CBFA2T3: variants seen among roughly 807,000 people sequenced by gnomAD.
The protein encoded by CBFA2T3 is transcriptional corepressor CBFA2T3.
CBFA2T3 carries 31 observed loss-of-function variants against 58.6 expected under a neutral mutation model. The ratio of observed to expected loss-of-function variants is 0.53; its 90% CI spans 0.40 to 0.71. CBFA2T3 has a LOEUF of 0.71. Ranked by LOEUF, CBFA2T3 falls within the 30% of genes least tolerant of loss-of-function variation. The pLI is 0.00. For synonymous variants in CBFA2T3, 531 were observed against 421.9 expected (o/e 1.26, Z -3.17); for missense variants, 1,076 against 963.1 (o/e 1.12, Z -1.55).
chr16:88,877,291 G>A lies in CBFA2T3; in HGVS notation c.1663-16C>T. ...TCCAGCAGCTCTGGGTGGGGGCAGA[G>A]GGGCCAGTCAGGGCTGGGTCTGGCC... On this transcript the variant is annotated splice_polypyrimidine_tract_variant and intron_variant, in intron 11 of 11. Transcript: ENST00000268679. The A allele has an allele frequency of 6.5e-7, 1 of 1,536,944 alleles. No homozygotes were observed. Among genetic ancestry groups the A allele is most frequent in the South Asian group, 1.2e-5 (1 of 83,180 alleles).
rs556438143 is a variant in CBFA2T3 at position 88,877,855 on chromosome 16, A to G, written c.1663-580T>C. ...AGGAGATGCCACACAAAGCCTGAGC[A>G]TATTTCTTCTTGGGGCCTGGCTGGA... On this transcript the variant is annotated intron_variant, in intron 11 of 11. Transcript: ENST00000268679. Among the ~76,000 whole-genome samples, 6 of 152,332 alleles carry G rather than the reference A, an allele frequency of 3.9e-5. No individual in the cohort carries two copies. The East Asian group carries it at 1.2e-3, about 29-fold the overall frequency.
Position 88,882,589 on chromosome 16 carries a change from T to TGG in CBFA2T3, c.1203+86_1203+87insCC, listed in dbSNP as rs142219665. 41 of 424,850 alleles carry TGG rather than the reference T, an allele frequency of 9.7e-5. No individual in the cohort carries two copies. In the East Asian group the frequency reaches 2.9e-3, roughly 30 times the overall value. 26.3% of individuals were successfully genotyped at this position (424,850 alleles called of 1,614,324 possible). On this transcript the variant is annotated intron_variant, in intron 8 of 11. Transcript: ENST00000268679. The stretch of plus-strand genomic sequence containing the variant: ...GCATGGCTGTGGGCGTGGCTGTGTG[T>TGG]GCATGGCTGTGTGTGCGTGGCTGTG...
At chr16:88,963,896 T>A (rs1239046206) in intron 1 of CBFA2T3, among the ~76,000 whole-genome samples, 1 of 152,158 alleles carries the variant, frequency 6.6e-6, no homozygotes, top group African/African-American at 2.4e-5. Flanking sequence ...GGGTTCCTCA[T>A]CCCTCTGAGC....
chr16:88,943,360 C>A (rs973404631), intron 1 of CBFA2T3, among the ~76,000 whole-genome samples: 1 of 152,202 alleles, frequency 6.6e-6, no homozygotes, highest in East Asian at 1.9e-4. Context: ...GTTAAGTGAC[C>A]AGTTGCAACA....
chr16:88,890,109 C>G (rs911954850), intron 5 of CBFA2T3, among the ~76,000 whole-genome samples: 2 of 151,938 alleles, frequency 1.3e-5, no homozygotes, highest in African/African-American at 4.8e-5. Context: ...CGTTTCAAAT[C>G]CCTGGACGAT....
At position 88,931,526 on chromosome 16, in the gene CBFA2T3, C is replaced by T. The variant is rs371703108; in HGVS notation, c.152-29870G>A. On this transcript the variant is annotated intron_variant, in intron 1 of 11. Transcript: ENST00000268679. ...GGACGAGCCAGAGGTGGAGAAGGGC[C>T]GTGGGCCGGCCCCGTGGACGAGCCA... is the stretch of plus-strand genomic sequence containing the variant. Among the ~76,000 whole-genome samples the T allele has an allele frequency of 2.4e-4, 36 of 152,160 alleles. 2 individuals carry two copies. In the South Asian group the frequency reaches 4.8e-3, roughly 20 times the overall value.
chr16:88,876,749 A>C lies in CBFA2T3; in HGVS notation c.*227T>G, dbSNP rs1031953584. 3 of 468,062 alleles carry C rather than the reference A, an allele frequency of 6.4e-6. No individual in the cohort carries two copies. The highest frequency in any genetic ancestry group is 6.1e-5 in the African/African-American group (3 of 48,884). 29.0% of individuals were successfully genotyped at this position (468,062 alleles called of 1,614,324 possible). A position where few individuals can be genotyped will look rare whatever the true frequency, so the allele number is the denominator to read the frequency against. On this transcript the variant is annotated 3_prime_UTR_variant, in exon 12 of 12. Coordinates refer to ENST00000268679, the MANE Select transcript of CBFA2T3 (RefSeq NM_005187.6). The stretch of plus-strand genomic sequence containing the variant: ...ACGTTGTCAGGAGGTCTCCGCGCGG[A>C]ATCATTAGGTAGCTGAGGCAGGTGC...
intron 1 of CBFA2T3, among the ~76,000 whole-genome samples, chr16:88,930,869 G>A (rs1000173061): frequency 6.6e-6 from 1 of 150,918 alleles, no homozygotes; most frequent in Non-Finnish European, 1.5e-5. Flanking sequence ...GGAGGAGTGA[G>A]TGGCAGTGGG....
intron 3 of CBFA2T3, among the ~76,000 whole-genome samples, chr16:88,896,789 C>T (rs142825267): frequency 6.6e-6 from 1 of 152,198 alleles, no homozygotes; most frequent in African/African-American, 2.4e-5. Flanking sequence ...GCCCACCGCC[C>T]CGGCCAGCCT....
chr16:88,954,890 C>CCCACCCAAGG (rs1972178950), intron 1 of CBFA2T3, among the ~76,000 whole-genome samples: 1 of 28,918 alleles, frequency 3.5e-5, no homozygotes, highest in Non-Finnish European at 6.9e-5. Context: ...GGCTCCTGAC[C>CCCACCCAAGG]CTACCCAAGG....
chr16:88,912,001 G>C (rs764005241), intron 1 of CBFA2T3, among the ~76,000 whole-genome samples: 1 of 152,246 alleles, frequency 6.6e-6, no homozygotes, highest in African/African-American at 2.4e-5. Flanking sequence ...GCCTTCAGCC[G>C]GCCTGGGTGC....
chr16:88,888,949 G>A (rs1969512305), intron 5 of CBFA2T3, among the ~76,000 whole-genome samples: 1 of 151,814 alleles, frequency 6.6e-6, no homozygotes. Flanking sequence ...GCGTGGCCGG[G>A]GGACACCAGG....
chr16:88,923,364 C>T (rs1037598724), intron 1 of CBFA2T3, among the ~76,000 whole-genome samples: 1 of 152,236 alleles, frequency 6.6e-6, no homozygotes, highest in African/African-American at 2.4e-5. Context: ...GGCCACCAGG[C>T]TGAGCTGCTA....
In CBFA2T3 at chr16:88,954,093, G is replaced by A. The variant is rs551167014; in HGVS notation, c.151+22564C>T. On this transcript the variant is annotated intron_variant, in intron 1 of 11. Coordinates refer to ENST00000268679, the MANE Select transcript of CBFA2T3 (RefSeq NM_005187.6). ...CTGCCAGTCAGAGAACTGCCCAGGAGCTCCCACTCCTCCTCTGAAGACCCC... is the reference window on the plus strand; with the variant it reads ...CTGCCAGTCAGAGAACTGCCCAGGAACTCCCACTCCTCCTCTGAAGACCCC... Among the ~76,000 whole-genome samples the A allele has an allele frequency of 3.0e-4, 45 of 152,214 alleles. No homozygotes were observed. The South Asian group carries it at 8.9e-3, about 30-fold the overall frequency.
intron 9 of CBFA2T3, 148 bp downstream of exon 9, chr16:88,881,143 G>A (rs1204925363): frequency 2.5e-6 from 2 of 800,948 alleles, no homozygotes; most frequent in East Asian, 5.3e-5. Context: ...ACCAGCCCGT[G>A]TTTTCCTACA....
chr16:88,974,904 T>C (rs949497836), intron 1 of CBFA2T3, among the ~76,000 whole-genome samples: 2 of 152,130 alleles, frequency 1.3e-5, no homozygotes, highest in Non-Finnish European at 2.9e-5. Flanking sequence ...CAAGTGCTGG[T>C]ATTCACATGT....
At chr16:88,956,121 T>C (rs1008862831) in intron 1 of CBFA2T3, among the ~76,000 whole-genome samples, 1 of 152,226 alleles carries the variant, frequency 6.6e-6, no homozygotes, top group African/African-American at 2.4e-5. Flanking sequence ...ACTCAAAGGC[T>C]TTGGGAAAGA....
chr16:88,892,618 A>T, intron 3 of CBFA2T3, 133 bp from the exon 4 acceptor site: 1 of 1,065,772 alleles, frequency 9.4e-7, no homozygotes, highest in Non-Finnish European at 1.4e-6. Context: ...AGACACAAGG[A>T]CAGTAGCGCT....
intron 1 of CBFA2T3, among the ~76,000 whole-genome samples, chr16:88,961,309 A>G: frequency 1.3e-5 from 2 of 152,198 alleles, no homozygotes; most frequent in African/African-American, 4.8e-5. Flanking sequence ...ACTGCATAGT[A>G]ACCGACACTC....
Sources: gnomAD v4.1 joint callset for allele counts (sites outside exome capture counted in the v4.1 genomes callset) on GRCh38, gnomAD v4.1.1 for gene constraint, MANE v1.5 for transcripts, NCBI Gene and HGNC (gene_info 2026-07-23, HGNC 2026-07-21) for gene names.